CAMK2D: variants seen among roughly 807,000 people sequenced by gnomAD.
The protein encoded by CAMK2D is calcium/calmodulin-dependent protein kinase type II subunit delta.
A neutral mutation model predicts 84.0 loss-of-function variants in CAMK2D; 37 were observed. The observed-to-expected ratio is 0.44, with a 90% CI of 0.34 to 0.58. The LOEUF (loss-of-function observed/expected upper bound fraction) is 0.58. CAMK2D is among the 20% of genes least tolerant of loss of function. The pLI is 0.02. For synonymous variants in CAMK2D, 202 were observed against 212.5 expected, an observed-to-expected ratio of 0.95 and a Z score of 0.43; for missense variants, 448 against 652.5, an observed-to-expected ratio of 0.69 and a Z score of 3.41.
At chr4:113,620,311 T>A (rs1446176822) in intron 3 of CAMK2D, among the ~76,000 whole-genome samples, 1 of 151,984 alleles carries the variant, frequency 6.6e-6, no homozygotes, top group African/African-American at 2.4e-5. Flanking sequence ...CAACAATAAA[T>A]GAACAGAGAT....
chr4:113,598,530 T>A (rs1281141309), intron 4 of CAMK2D, among the ~76,000 whole-genome samples: 1 of 152,112 alleles, frequency 6.6e-6, no homozygotes, highest in African/African-American at 2.4e-5. Flanking sequence ...AAGAAACAAA[T>A]TGATAAGCTT....
intron 7 of CAMK2D, among the ~76,000 whole-genome samples, chr4:113,532,405 C>T (rs905611013): frequency 4.6e-5 from 7 of 152,248 alleles, no homozygotes; most frequent in Non-Finnish European, 1.0e-4. Flanking sequence ...CCTGGGTAAT[C>T]CATCTGTACC....
intron 5 of CAMK2D, chr4:113,548,643 C>T (rs745316222): frequency 2.3e-6 from 3 of 1,329,338 alleles, no homozygotes; most frequent in Non-Finnish European, 3.2e-6. Context: ...GATTTATGGA[C>T]TCCATATACT....
rs114446761 is a variant in CAMK2D at position 113,722,358 on chromosome 4, T to G, written c.160+36962A>C. On this transcript the variant is annotated intron_variant, in intron 2 of 20. Transcript: ENST00000511664. ...TGGCACAGTACATTAGAAAGTTTAC[T>G]AAAGCAGTAAAACACTGAAAATCTA... Among the ~76,000 whole-genome samples, 187 of 152,308 alleles carry G rather than the reference T, an allele frequency of 1.2e-3. 1 individual carries two copies. Among genetic ancestry groups the G allele is most frequent in the African/African-American group, 4.4e-3 (181 of 41,564 alleles).
At chr4:113,670,863 G>A (rs1312440632) in intron 2 of CAMK2D, among the ~76,000 whole-genome samples, 3 of 152,006 alleles carry the variant, frequency 2.0e-5, no homozygotes, top group Admixed American at 2.0e-4. Flanking sequence ...GGGAGGCAGA[G>A]CTTGCAGTGA....
At chr4:113,756,333 T>C (rs2099628519) in intron 2 of CAMK2D, among the ~76,000 whole-genome samples, 1 of 151,960 alleles carries the variant, frequency 6.6e-6, no homozygotes. Context: ...TAAAGAACAT[T>C]AGTGGAGTTG....
intron 2 of CAMK2D, 34 bp downstream of exon 2, chr4:113,759,284 CAA>C: frequency 7.6e-7 from 1 of 1,318,910 alleles, no homozygotes; most frequent in Non-Finnish European, 1.1e-6. Flanking sequence ...ATGACAAATA[CAA>C]AATTAACCAA....
intron 16 of CAMK2D, among the ~76,000 whole-genome samples, chr4:113,490,308 T>C (rs1486727152): frequency 2.0e-5 from 3 of 148,856 alleles, no homozygotes; most frequent in Non-Finnish European, 4.4e-5. Context: ...CCATCTTGAA[T>C]TGATTTTTGT....
chr4:113,718,365 C>T lies in CAMK2D; in HGVS notation c.160+40955G>A, dbSNP rs561542021. Among the ~76,000 whole-genome samples, 6 of 152,206 alleles carry T rather than the reference C, an allele frequency of 3.9e-5. No individual in the cohort carries two copies. The East Asian group carries it at 9.7e-4, about 25-fold the overall frequency. ...GAAATCACAGGGAGTTGAAGCTGTC[C>T]TCTTGTACTGAATCAATTCCTGGGT... is the stretch of plus-strand genomic sequence containing the variant. On this transcript the variant is annotated intron_variant, in intron 2 of 20. Coordinates refer to ENST00000511664, the MANE Select transcript of CAMK2D (RefSeq NM_001321571.2).
intron 2 of CAMK2D, among the ~76,000 whole-genome samples, chr4:113,747,713 A>G (rs911169453): frequency 6.6e-6 from 1 of 152,164 alleles, no homozygotes; most frequent in Non-Finnish European, 1.5e-5. Context: ...CTAAAACAAA[A>G]TATGAGGTAG....
chr4:113,490,289 G>A (rs1033411275), intron 16 of CAMK2D, among the ~76,000 whole-genome samples: 1 of 149,578 alleles, frequency 6.7e-6, no homozygotes, highest in African/African-American at 2.5e-5. Context: ...TAACGTTTAA[G>A]TCTTTAATCC....
intron 4 of CAMK2D, among the ~76,000 whole-genome samples, chr4:113,596,675 T>C (rs75950528): frequency 0.041 from 6,266 of 151,886 alleles, 360 homozygotes; most frequent in East Asian, 0.19. Flanking sequence ...TCATTTTTCT[T>C]CCCCCCCAGG....
chr4:113,549,242 A>T (rs954939213), intron 5 of CAMK2D, among the ~76,000 whole-genome samples: 2 of 152,242 alleles, frequency 1.3e-5, no homozygotes, highest in African/African-American at 2.4e-5. Context: ...ATTTCGCCTT[A>T]GAAGCGTTGC....
intron 2 of CAMK2D, among the ~76,000 whole-genome samples, chr4:113,662,097 C>G (rs912197376): frequency 4.6e-5 from 7 of 152,080 alleles, no homozygotes; most frequent in African/African-American, 1.7e-4. Flanking sequence ...AGTTAAATAA[C>G]CCAGTATAGA....
intron 3 of CAMK2D, among the ~76,000 whole-genome samples, chr4:113,636,832 T>C (rs1251650626): frequency 1.3e-5 from 2 of 152,120 alleles, no homozygotes; most frequent in Non-Finnish European, 2.9e-5. Context: ...AACTTCAACA[T>C]ATGAATTGGG....
intron 2 of CAMK2D, among the ~76,000 whole-genome samples, chr4:113,676,733 T>C (rs981231761): frequency 2.0e-5 from 3 of 152,178 alleles, no homozygotes; most frequent in Non-Finnish European, 2.9e-5. Context: ...TCATCAAGGA[T>C]GGAAATTTGA....
intron 4 of CAMK2D, among the ~76,000 whole-genome samples, chr4:113,604,288 G>A (rs2098968365): frequency 6.6e-6 from 1 of 152,060 alleles, no homozygotes; most frequent in African/African-American, 2.4e-5. Context: ...TATTTAAAAT[G>A]TGCATTTTTC....
chr4:113,545,824 A>G (rs1338284659), intron 6 of CAMK2D, among the ~76,000 whole-genome samples: 2 of 152,230 alleles, frequency 1.3e-5, no homozygotes, highest in African/African-American at 4.8e-5. Context: ...ATGGAGAGCA[A>G]AAGTACTTTC....
intron 4 of CAMK2D, among the ~76,000 whole-genome samples, chr4:113,588,759 G>T (rs1422354389): frequency 1.3e-5 from 2 of 152,106 alleles, no homozygotes; most frequent in African/African-American, 4.8e-5. Context: ...ATGTGCTCTA[G>T]ACACTGGGGA....
Sources: gnomAD v4.1 joint callset for allele counts (sites outside exome capture counted in the v4.1 genomes callset) on GRCh38, gnomAD v4.1.1 for gene constraint, MANE v1.5 for transcripts, NCBI Gene and HGNC (gene_info 2026-07-23, HGNC 2026-07-21) for gene names.